SLC7A14: variants seen among roughly 807,000 people sequenced by gnomAD.
The protein encoded by SLC7A14 is solute carrier family 7 member 14, also known as gamma-aminobutyric acid transporter SLC7A14.
In SLC7A14, 37 loss-of-function variants were observed where a neutral mutation model predicts 60.2. The ratio of observed to expected loss-of-function variants is 0.61; its 90% CI spans 0.47 to 0.81. SLC7A14 has a LOEUF of 0.81. SLC7A14 is among the 30% of genes least tolerant of loss of function. SLC7A14 has a pLI of 0.00. For missense variants in SLC7A14, 886 were observed against 982.7 expected, an observed-to-expected ratio of 0.90 and a Z score of 1.32; for synonymous variants, 399 against 395.8, an observed-to-expected ratio of 1.01 and a Z score of -0.10.
At chr3:170,554,981 G>T (rs1391299164) in intron 1 of SLC7A14, among the ~76,000 whole-genome samples, 1 of 151,876 alleles carries the variant, frequency 6.6e-6, no homozygotes, top group African/African-American at 2.4e-5. Context: ...AGCCTGGCCA[G>T]CATGGTGAAA....
chr3:170,560,372 G>A (rs1013088230), intron 1 of SLC7A14, among the ~76,000 whole-genome samples: 3 of 152,076 alleles, frequency 2.0e-5, no homozygotes, highest in African/African-American at 7.2e-5. Flanking sequence ...TAAATAATAT[G>A]TATTTTAAAA....
At chr3:170,477,096 G>A (rs540367618) in intron 7 of SLC7A14, among the ~76,000 whole-genome samples, 1 of 152,388 alleles carries the variant, frequency 6.6e-6, no homozygotes, top group African/African-American at 2.4e-5. Flanking sequence ...CTGATGCTAT[G>A]TGTTAGGCTC....
chr3:170,576,929 C>A (rs993891335), intron 1 of SLC7A14, among the ~76,000 whole-genome samples: 24 of 152,142 alleles, frequency 1.6e-4, no homozygotes, highest in African/African-American at 5.8e-4. Context: ...GAGGCCTCTC[C>A]TATTGTAAGT....
intron 2 of SLC7A14, among the ~76,000 whole-genome samples, chr3:170,516,542 G>A (rs1017827122): frequency 2.1e-5 from 3 of 143,552 alleles, no homozygotes; most frequent in African/African-American, 7.9e-5. Context: ...GAGTAACACA[G>A]CGACACCTGT....
intron 7 of SLC7A14, among the ~76,000 whole-genome samples, chr3:170,478,113 T>C (rs1358713664): frequency 6.6e-6 from 1 of 152,146 alleles, no homozygotes; most frequent in Non-Finnish European, 1.5e-5. Context: ...AGTCTTGCTC[T>C]GTCTCCCAGG....
intron 4 of SLC7A14, among the ~76,000 whole-genome samples, chr3:170,487,520 T>C (rs1712073129): frequency 6.6e-6 from 1 of 152,156 alleles, no homozygotes; most frequent in African/African-American, 2.4e-5. Context: ...AGTTTATAAA[T>C]GATGGAAATC....
At chr3:170,556,267 T>A (rs1714483507) in intron 1 of SLC7A14, among the ~76,000 whole-genome samples, 1 of 152,228 alleles carries the variant, frequency 6.6e-6, no homozygotes, top group African/African-American at 2.4e-5. Flanking sequence ...ATTTCTTATA[T>A]GGCAAATTCA....
intron 3 of SLC7A14, 41 bp downstream of exon 3, chr3:170,501,068 T>C (rs777163001): frequency 1.3e-6 from 2 of 1,595,336 alleles, no homozygotes; most frequent in South Asian, 1.1e-5. Flanking sequence ...TGTGGCTTGG[T>C]AAGTTTGCAT....
At chr3:170,517,708 A>G (rs1465027113) in intron 2 of SLC7A14, among the ~76,000 whole-genome samples, 2 of 152,186 alleles carry the variant, frequency 1.3e-5, no homozygotes, top group African/African-American at 4.8e-5. Context: ...GAACCTGTGG[A>G]GAGACATCTG....
chr3:170,501,643 C>T (rs1046810191), intron 2 of SLC7A14, among the ~76,000 whole-genome samples: 1 of 152,142 alleles, frequency 6.6e-6, no homozygotes, highest in Admixed American at 6.5e-5. Context: ...CCTTAGGTGT[C>T]AGATATCCTG....
At chr3:170,497,394 G>T (rs1461570678) in intron 4 of SLC7A14, among the ~76,000 whole-genome samples, 1 of 152,186 alleles carries the variant, frequency 6.6e-6, no homozygotes, top group Non-Finnish European at 1.5e-5. Context: ...GGCTTAAATT[G>T]CTTCCTTGCT....
chr3:170,504,493 G>A (rs566109700), intron 2 of SLC7A14, among the ~76,000 whole-genome samples: 1 of 151,918 alleles, frequency 6.6e-6, no homozygotes, highest in Non-Finnish European at 1.5e-5. Flanking sequence ...GCTAATTTTT[G>A]TATTTTTAGT....
At chr3:170,503,912 G>C (rs968522395) in intron 2 of SLC7A14, among the ~76,000 whole-genome samples, 9 of 152,194 alleles carry the variant, frequency 5.9e-5, no homozygotes, top group Admixed American at 5.9e-4. Context: ...ATGGTATAAG[G>C]AGCATTTGGA....
chr3:170,496,249 G>A (rs1712388771), intron 4 of SLC7A14: 2 of 943,150 alleles, frequency 2.1e-6, no homozygotes, highest in Non-Finnish European at 3.5e-6. Context: ...ATCGCCAACC[G>A]CAGCTGGGCT....
chr3:170,496,492 C>T (rs1373452057), intron 4 of SLC7A14: 7 of 1,422,342 alleles, frequency 4.9e-6, no homozygotes, highest in Non-Finnish European at 7.0e-6. Context: ...GCCAAGCGGT[C>T]GGAGCTGGAG....
At chr3:170,564,808 G>A (rs967792460) in intron 1 of SLC7A14, among the ~76,000 whole-genome samples, 1 of 152,270 alleles carries the variant, frequency 6.6e-6, no homozygotes, top group Middle Eastern at 3.4e-3. Flanking sequence ...GATGGGGGTG[G>A]ACCAACTGCT....
At chr3:170,566,730 T>C (rs1194667842) in intron 1 of SLC7A14, among the ~76,000 whole-genome samples, 4 of 152,064 alleles carry the variant, frequency 2.6e-5, no homozygotes, top group Non-Finnish European at 5.9e-5. Context: ...CCATTGAGCT[T>C]GTAATAAAAT....
chr3:170,501,763 C>T lies in SLC7A14; in HGVS notation c.305-418G>A, dbSNP rs150420166. Among the ~76,000 whole-genome samples, 23 of 152,316 alleles carry T rather than the reference C, an allele frequency of 1.5e-4. 1 individual carries two copies. The East Asian group carries it at 4.4e-3, about 29-fold the overall frequency. The stretch of plus-strand genomic sequence containing the variant: ...TTTACATATTATAGAAGGTGCTCCT[C>T]ATTTGAGAGTGATACTTTGAGCAAT... On this transcript the variant is annotated intron_variant, in intron 2 of 7. Coordinates refer to ENST00000231706, the MANE Select transcript of SLC7A14 (RefSeq NM_020949.3).
chr3:170,515,105 G>T (rs765810872), intron 2 of SLC7A14, among the ~76,000 whole-genome samples: 18 of 152,000 alleles, frequency 1.2e-4, no homozygotes, highest in Non-Finnish European at 7.4e-5. Flanking sequence ...CTGAGGTCAG[G>T]AGTTCTAGAC....
Sources: allele counts gnomAD v4.1 joint callset (sites outside exome capture counted in the v4.1 genomes callset), GRCh38; gene constraint gnomAD v4.1.1; transcripts MANE v1.5; gene names NCBI Gene and HGNC (gene_info 2026-07-23, HGNC 2026-07-21).